Variants in FBXL13 observed in about 807,000 individuals in gnomAD.
The protein encoded by FBXL13 is F-box and leucine rich repeat protein 13.
A neutral mutation model predicts 83.6 loss-of-function variants in FBXL13; 67 were observed. That is an observed-to-expected ratio of 0.80 (90% CI 0.66 to 0.98). The LOEUF is 0.98. Among genes scored for constraint, FBXL13 ranks in the 50% least tolerant of loss-of-function variants. FBXL13 has a pLI of 0.00. For synonymous variants in FBXL13, 272 were observed against 299.5 expected (o/e 0.91, Z 0.95); for missense variants, 822 against 866.5 (o/e 0.95, Z 0.64).
chr7:102,897,896 T>G (rs1323445480), intron 11 of FBXL13, among the ~76,000 whole-genome samples: 1 of 152,224 alleles, frequency 6.6e-6, no homozygotes, highest in East Asian at 1.9e-4. Context: ...GGAATGAATA[T>G]TTATCAGCAT....
intron 8 of FBXL13, among the ~76,000 whole-genome samples, chr7:102,953,385 A>G (rs903192617): frequency 3.3e-5 from 5 of 152,154 alleles, no homozygotes; most frequent in African/African-American, 1.2e-4. Context: ...AATGTAATAT[A>G]CGCAATAATA....
intron 8 of FBXL13, among the ~76,000 whole-genome samples, chr7:102,953,722 A>G (rs947591259): frequency 1.3e-5 from 2 of 152,210 alleles, no homozygotes; most frequent in African/African-American, 4.8e-5. Context: ...CTTCCAGATA[A>G]GCATGCCTTG....
At position 102,912,921 on chromosome 7, in the gene FBXL13, G is replaced by GC. The variant is rs1815036363; in HGVS notation, c.1008+164dup. The GC allele has an allele frequency of 2.2e-5, 19 of 853,464 alleles. No homozygotes were observed. The South Asian group carries it at 3.6e-4, about 16-fold the overall frequency. The allele number at this position is 853,464 out of a possible 1,614,324, so 52.9% of individuals were successfully genotyped here. On this transcript the variant is annotated intron_variant, in intron 11 of 19. Transcript: ENST00000313221. ...GGAAGGAAGCCAAGAGCCTATAATA[G>GC]CGATCCTGGGGAAAATTTCAGCAGC...
intron 16 of FBXL13, among the ~76,000 whole-genome samples, chr7:102,865,941 G>A (rs570811491): frequency 4.6e-5 from 7 of 152,086 alleles, no homozygotes; most frequent in East Asian, 1.9e-4. Context: ...CAGCTTCCTC[G>A]GTAGCTGGAA....
chr7:102,898,429 C>T (rs1435382755), intron 11 of FBXL13, among the ~76,000 whole-genome samples: 1 of 152,120 alleles, frequency 6.6e-6, no homozygotes, highest in Non-Finnish European at 1.5e-5. Flanking sequence ...CAGCCTCAGA[C>T]TACAGGCATG....
chr7:102,884,193 A>G (rs766250685), intron 12 of FBXL13, 21 bp downstream of exon 13: 13 of 1,546,444 alleles, frequency 8.4e-6, no homozygotes, highest in Middle Eastern at 3.4e-4. Context: ...AGAAAAGTAA[A>G]GGTACTTCCC....
chr7:102,961,031 G>C (rs1298617619), intron 8 of FBXL13, among the ~76,000 whole-genome samples: 86 of 148,688 alleles, frequency 5.8e-4, no homozygotes, highest in African/African-American at 2.0e-3. Flanking sequence ...ATTAGGAAAA[G>C]AGGAAGTCAA....
At chr7:103,046,418 A>G (rs1796283581) in intron 2 of FBXL13, among the ~76,000 whole-genome samples, 1 of 152,222 alleles carries the variant, frequency 6.6e-6, no homozygotes, top group South Asian at 2.1e-4. Context: ...GACCTAACAA[A>G]TGATGTCCTT....
intron 17 of FBXL13, among the ~76,000 whole-genome samples, chr7:102,834,138 GA>G (rs72255394): frequency 1.6e-5 from 2 of 123,898 alleles, no homozygotes; most frequent in Admixed American, 1.5e-4. Flanking sequence ...AAGAAAGAAA[GA>G]AAAGAGAAGA....
At chr7:102,967,415 GGC>G (rs1826095783) in intron 7 of FBXL13, among the ~76,000 whole-genome samples, 1 of 152,164 alleles carries the variant, frequency 6.6e-6, no homozygotes, top group Non-Finnish European at 1.5e-5. Context: ...TGGGATTACA[GGC>G]ACCTGCCACC....
intron 18 of FBXL13, among the ~76,000 whole-genome samples, chr7:102,826,770 T>TATATAC (rs1562911606): frequency 7.1e-5 from 7 of 98,980 alleles, no homozygotes; most frequent in African/African-American, 2.8e-4. Flanking sequence ...TATATATATA[T>TATATAC]ATGTATATAT....
intron 4 of FBXL13, among the ~76,000 whole-genome samples, chr7:103,028,386 G>T (rs1374314603): frequency 2.0e-5 from 3 of 152,036 alleles, no homozygotes; most frequent in South Asian, 2.1e-4. Context: ...ATGCACACAA[G>T]ATTTGATTTT....
intron 6 of FBXL13, among the ~76,000 whole-genome samples, chr7:102,982,031 C>T (rs150357493): frequency 3.4e-4 from 52 of 152,174 alleles, no homozygotes; most frequent in Non-Finnish European, 6.9e-4. Flanking sequence ...CACTGGATCC[C>T]GGGCACATAT....
chr7:103,041,023 C>T (rs79428078), intron 2 of FBXL13, among the ~76,000 whole-genome samples: 1 of 151,976 alleles, frequency 6.6e-6, no homozygotes, highest in African/African-American at 2.4e-5. Context: ...CTTCGAAAAA[C>T]CAATGTATCC....
chr7:103,031,898 T>C (rs1794547264), intron 2 of FBXL13, among the ~76,000 whole-genome samples: 1 of 152,166 alleles, frequency 6.6e-6, no homozygotes, highest in Non-Finnish European at 1.5e-5. Context: ...CCAGGCTCAC[T>C]TCCCAAGATT....
At chr7:102,897,128 T>C (rs1234777125) in intron 11 of FBXL13, among the ~76,000 whole-genome samples, 3 of 151,676 alleles carry the variant, frequency 2.0e-5, no homozygotes, top group Non-Finnish European at 2.9e-5. Flanking sequence ...TATATATGTA[T>C]ATGTGTGTAT....
chr7:102,964,404 A>T (rs77045632), intron 7 of FBXL13, among the ~76,000 whole-genome samples: 7,531 of 143,168 alleles, frequency 0.053, 222 homozygotes, highest in Admixed American at 0.084. Flanking sequence ...ATATATATAT[A>T]TTTTTTTTTT....
intron 2 of FBXL13, among the ~76,000 whole-genome samples, chr7:103,048,744 T>C (rs764187318): frequency 5.9e-5 from 9 of 152,238 alleles, no homozygotes; most frequent in Non-Finnish European, 1.0e-4. Context: ...GTCAATATTT[T>C]CACACACAGA....
At chr7:103,050,595 A>G (rs1796706643) in intron 2 of FBXL13, among the ~76,000 whole-genome samples, 1 of 152,190 alleles carries the variant, frequency 6.6e-6, no homozygotes, top group African/African-American at 2.4e-5. Flanking sequence ...GCCCTGAGTA[A>G]CAGAAAAGAT....
Sources: allele counts gnomAD v4.1 joint callset (sites outside exome capture counted in the v4.1 genomes callset), GRCh38; gene constraint gnomAD v4.1.1; transcripts MANE v1.5; gene names NCBI Gene and HGNC (gene_info 2026-07-23, HGNC 2026-07-21).